GPC6: variants seen among roughly 807,000 people sequenced by gnomAD.
The protein encoded by GPC6 is glypican-6.
GPC6 carries 14 observed loss-of-function variants against 55.2 expected under a neutral mutation model. The observed-to-expected ratio is 0.25, with a 90% CI of 0.17 to 0.40. GPC6 has a LOEUF of 0.40. Among genes scored for constraint, GPC6 ranks in the 10% least tolerant of loss-of-function variants. The pLI, the probability that GPC6 is intolerant of heterozygous loss-of-function variation, is 1.00. For missense variants in GPC6, 641 were observed against 708.5 expected, an observed-to-expected ratio of 0.90 and a Z score of 1.08; for synonymous variants, 278 against 259.6, an observed-to-expected ratio of 1.07 and a Z score of -0.68.
intron 2 of GPC6, among the ~76,000 whole-genome samples, chr13:93,592,425 A>G (rs1025952427): frequency 6.1e-5 from 9 of 148,008 alleles, no homozygotes; most frequent in Admixed American, 1.4e-4. Flanking sequence ...AAATATATAT[A>G]TATTTAGTAG....
At chr13:93,354,797 T>C (rs1284257981) in intron 1 of GPC6, among the ~76,000 whole-genome samples, 2 of 152,122 alleles carry the variant, frequency 1.3e-5, no homozygotes, top group African/African-American at 4.8e-5. Flanking sequence ...TGTCCAGCTG[T>C]GCGTGGACAG....
rs1045728208 is a variant in GPC6, at chr13:94,406,953, C to G, written c.*3736C>G. 6.6e-6 allele frequency: 1 copy of G among 152,110 alleles called. No individual in the cohort carries two copies. The highest frequency in any genetic ancestry group is 6.5e-5 in the Admixed American group (1 of 15,278). 9.4% of individuals were successfully genotyped at this position (152,110 alleles called of 1,614,324 possible). On this transcript the variant is annotated 3_prime_UTR_variant, in exon 9 of 9. Coordinates refer to ENST00000377047, the MANE Select transcript of GPC6 (RefSeq NM_005708.5). ...TAAAAACACAATTTAGCTTTGCCAA[C>G]AGAAGAGTAAAGGAAACCATAACTT... is the stretch of plus-strand genomic sequence containing the variant.
chr13:94,295,956 C>T (rs757140412), intron 5 of GPC6, among the ~76,000 whole-genome samples: 3 of 151,896 alleles, frequency 2.0e-5, no homozygotes, highest in South Asian at 2.1e-4. Flanking sequence ...TGCGCTCCAC[C>T]GAGAAACAGG....
intron 1 of GPC6, among the ~76,000 whole-genome samples, chr13:93,396,388 A>C (rs7338959): frequency 0.54 from 82,562 of 151,602 alleles, 23,978 homozygotes; most frequent in Non-Finnish European, 0.66. Context: ...TACGGTGAAA[A>C]CCTGTCTTTA....
At chr13:93,312,832 A>C (rs1446402290) in intron 1 of GPC6, among the ~76,000 whole-genome samples, 1 of 152,172 alleles carries the variant, frequency 6.6e-6, no homozygotes, top group Non-Finnish European at 1.5e-5. Context: ...GTGCCTAAGT[A>C]GATTTACCTT....
chr13:93,860,392 T>A (rs572532217), intron 3 of GPC6, among the ~76,000 whole-genome samples: 3 of 151,832 alleles, frequency 2.0e-5, no homozygotes, highest in African/African-American at 7.2e-5. Flanking sequence ...TTGGATTCTT[T>A]ATTTCCACTC....
intron 1 of GPC6, among the ~76,000 whole-genome samples, chr13:93,230,199 T>C (rs1875960365): frequency 6.6e-6 from 1 of 152,202 alleles, no homozygotes; most frequent in African/African-American, 2.4e-5. Context: ...AATTGAAAGC[T>C]ATTTGCAGGT....
intron 4 of GPC6, among the ~76,000 whole-genome samples, chr13:94,083,282 C>CT (rs1160637349): frequency 6.6e-6 from 1 of 152,038 alleles, no homozygotes; most frequent in Admixed American, 6.6e-5. Context: ...CCACACCCGT[C>CT]TAATTTTTTG....
intron 3 of GPC6, among the ~76,000 whole-genome samples, chr13:93,859,742 G>A (rs928692099): frequency 2.0e-5 from 3 of 151,542 alleles, no homozygotes; most frequent in African/African-American, 7.3e-5. Flanking sequence ...GCTACATTGG[G>A]AACTGTAGAA....
intron 2 of GPC6, among the ~76,000 whole-genome samples, chr13:93,586,736 G>A (rs1053535408): frequency 5.9e-5 from 9 of 152,064 alleles, no homozygotes; most frequent in African/African-American, 2.2e-4. Context: ...GACTAAAAAC[G>A]TTTTGAAATT....
chr13:93,322,010 A>G (rs1879459318), intron 1 of GPC6, among the ~76,000 whole-genome samples: 1 of 152,096 alleles, frequency 6.6e-6, no homozygotes, highest in East Asian at 1.9e-4. Flanking sequence ...AATCCATTGC[A>G]GATTGGTTCT....
At chr13:94,199,156 C>G (rs1889675610) in intron 4 of GPC6, among the ~76,000 whole-genome samples, 1 of 152,316 alleles carries the variant, frequency 6.6e-6, no homozygotes, top group African/African-American at 2.4e-5. Flanking sequence ...GCACTTCATC[C>G]CGTGTTTGTG....
chr13:94,285,177 T>A (rs755992513), intron 4 of GPC6, among the ~76,000 whole-genome samples: 10 of 152,162 alleles, frequency 6.6e-5, no homozygotes, highest in Admixed American at 1.3e-4. Flanking sequence ...GCAAATGAAT[T>A]GAGATAACGA....
chr13:93,752,905 A>C (rs1397458216), intron 2 of GPC6, among the ~76,000 whole-genome samples: 1 of 152,204 alleles, frequency 6.6e-6, no homozygotes. Context: ...CGGGTTGCAC[A>C]ACATTAACTT....
chr13:94,126,238 T>C lies in GPC6; in HGVS notation c.877+98344T>C, dbSNP rs536319782. Among the ~76,000 whole-genome samples the C allele has an allele frequency of 2.6e-5, 4 of 152,036 alleles. No individual in the cohort carries two copies. The South Asian group carries it at 6.2e-4, about 24-fold the overall frequency. On this transcript the variant is annotated intron_variant, in intron 4 of 8. Transcript: ENST00000377047. The stretch of plus-strand genomic sequence containing the variant: ...CTACAAAAAAAAAATTGAAAATTAG[T>C]TGGGTGCAGTGGCACTTGCCTGTAT...
At chr13:94,081,035 G>A (rs1885079650) in intron 4 of GPC6, among the ~76,000 whole-genome samples, 1 of 152,162 alleles carries the variant, frequency 6.6e-6, no homozygotes, top group African/African-American at 2.4e-5. Flanking sequence ...AGTTCTAAGG[G>A]AAGAAAAGAC....
intron 1 of GPC6, among the ~76,000 whole-genome samples, chr13:93,406,819 G>C (rs1390510637): frequency 6.6e-6 from 1 of 152,048 alleles, no homozygotes; most frequent in Non-Finnish European, 1.5e-5. Context: ...AGAGAAGTAC[G>C]GAGCATGAGC....
At chr13:93,315,219 G>T (rs192896480) in intron 1 of GPC6, among the ~76,000 whole-genome samples, 62 of 152,050 alleles carry the variant, frequency 4.1e-4, no homozygotes, top group African/African-American at 1.4e-3. Context: ...TTTATTTAAA[G>T]AGATATGTTG....
intron 2 of GPC6, among the ~76,000 whole-genome samples, chr13:93,741,883 A>T (rs922139008): frequency 1.3e-5 from 2 of 152,114 alleles, no homozygotes; most frequent in Non-Finnish European, 2.9e-5. Flanking sequence ...TCAAATTATG[A>T]CTCCTCCCAA....
Sources: allele counts gnomAD v4.1 joint callset (sites outside exome capture counted in the v4.1 genomes callset), GRCh38; gene constraint gnomAD v4.1.1; transcripts MANE v1.5; gene names NCBI Gene and HGNC (gene_info 2026-07-23, HGNC 2026-07-21).